SCARA5: variants seen among roughly 807,000 people sequenced by gnomAD.
SCARA5 encodes scavenger receptor class A member 5.
In SCARA5, 45 loss-of-function variants were observed where a neutral mutation model predicts 46.3. The ratio of observed to expected loss-of-function variants is 0.97; its 90% CI spans 0.76 to 1.24. The LOEUF (loss-of-function observed/expected upper bound fraction) is 1.24. Ranked by LOEUF, SCARA5 falls within the 50% of genes most tolerant of loss-of-function variation. The pLI, the probability that SCARA5 is intolerant of heterozygous loss-of-function variation, is 0.00. For missense variants in SCARA5, 680 were observed against 689.0 expected, an observed-to-expected ratio of 0.99 and a Z score of 0.15; for synonymous variants, 333 against 306.5, an observed-to-expected ratio of 1.09 and a Z score of -0.90.
intron 3 of SCARA5, among the ~76,000 whole-genome samples, chr8:27,964,018 C>T (rs1270684530): frequency 6.6e-6 from 1 of 152,218 alleles, no homozygotes; most frequent in African/African-American, 2.4e-5. Flanking sequence ...GGACACCCAA[C>T]AGAAGGCCAG....
At chr8:27,956,126 A>G (rs190039468) in intron 3 of SCARA5, among the ~76,000 whole-genome samples, 6 of 152,320 alleles carry the variant, frequency 3.9e-5, no homozygotes, top group African/African-American at 9.6e-5. Context: ...GATGGCAGTC[A>G]CTAGAAAGAC....
At position 27,871,817 on chromosome 8, in the gene SCARA5, AGAATGCTG is replaced by A; in HGVS notation, c.*109_*116del. The A allele has an allele frequency of 1.9e-6, 3 of 1,558,694 alleles. No individual in the cohort carries two copies. The highest frequency in any genetic ancestry group is 2.6e-6 in the Non-Finnish European group (3 of 1,153,486). On this transcript the variant is annotated 3_prime_UTR_variant, in exon 9 of 9. Transcript: ENST00000354914. ...TCCTGGGATGCAGGTGTGAGGACTGAGAATGCTGGACGGGGTGTGGTCGAGGCATGGTC... is the reference window on the plus strand; with the variant it reads ...TCCTGGGATGCAGGTGTGAGGACTGAGACGGGGTGTGGTCGAGGCATGGTC...
intron 2 of SCARA5, among the ~76,000 whole-genome samples, chr8:27,977,721 G>A (rs915361410): frequency 1.3e-5 from 2 of 152,132 alleles, no homozygotes; most frequent in African/African-American, 2.4e-5. Flanking sequence ...CTCCCCTCCC[G>A]GGATCCCTAT....
At position 27,992,407 on chromosome 8, in the gene SCARA5, G is replaced by A. The variant is rs1232178588; in HGVS notation, c.-166C>T. 1 of 152,370 alleles carries A rather than the reference G, an allele frequency of 6.6e-6. No individual in the cohort carries two copies. Among genetic ancestry groups the A allele is most frequent in the Non-Finnish European group, 1.5e-5 (1 of 68,148 alleles). 9.4% of individuals were successfully genotyped at this position (152,370 alleles called of 1,614,324 possible). A position where few individuals can be genotyped will look rare whatever the true frequency, so the allele number is the denominator to read the frequency against. On this transcript the variant is annotated 5_prime_UTR_variant, in exon 1 of 9. Transcript: ENST00000354914. ...CCAGCCAAATCCAGATGGAGTCATA[G>A]AAAGGGGCTGCAGGGGCGCCCAGGG...
In SCARA5 at chr8:27,892,726, C is replaced by T. The variant is rs543077724; in HGVS notation, c.1153+12052G>A. On this transcript the variant is annotated intron_variant, in intron 7 of 8. Coordinates refer to ENST00000354914, the MANE Select transcript of SCARA5 (RefSeq NM_173833.6). ...GGGGTTCACGCTATTCTGCCTCAGC[C>T]TCCCGAGTAGCTGGGACCACAGGCG... Among the ~76,000 whole-genome samples, 4 of 152,000 alleles carry T rather than the reference C, an allele frequency of 2.6e-5. No homozygotes were observed. The South Asian group carries it at 8.3e-4, about 32-fold the overall frequency.
chr8:27,949,675 G>A (rs553981581), intron 3 of SCARA5, among the ~76,000 whole-genome samples: 3 of 152,286 alleles, frequency 2.0e-5, no homozygotes, highest in Non-Finnish European at 2.9e-5. Flanking sequence ...CACCCCAACC[G>A]CATCCCATCA....
chr8:27,921,640 C>T lies in SCARA5; in HGVS notation c.847G>A (p.Val283Ile). ...TCCTTGAGGCGCAGGTCCTCGGTGA[C>T]CGCGTTGAGCATGGCCAGCTCCTGC... ...LKQELAMLNA[V>I]TEDLRLKDWE... Residue 283 changes from valine (V) to isoleucine (I), a missense_variant, in exon 4 of 9, where the codon GTC (valine) becomes ATC (isoleucine). Around this residue, in one of 3 missense-constraint regions of SCARA5, gnomAD observed 438 missense variants for 384.5 expected, o/e 1.14. Coordinates refer to ENST00000354914, the MANE Select transcript of SCARA5 (RefSeq NM_173833.6). 1 of 1,604,826 alleles carries T rather than the reference C, an allele frequency of 6.2e-7. No homozygotes were observed.
intron 4 of SCARA5, among the ~76,000 whole-genome samples, chr8:27,916,784 C>T (rs571012875): frequency 6.6e-6 from 1 of 152,144 alleles, no homozygotes; most frequent in Non-Finnish European, 1.5e-5. Context: ...GAGCTGGAGG[C>T]CCAAGCACTG....
At chr8:27,899,155 T>G (rs1807111132) in intron 7 of SCARA5, among the ~76,000 whole-genome samples, 1 of 152,224 alleles carries the variant, frequency 6.6e-6, no homozygotes, top group African/African-American at 2.4e-5. Context: ...GAAGCTTGGA[T>G]TTGAGATTTC....
chr8:27,930,199 C>T (rs552616820), intron 3 of SCARA5, among the ~76,000 whole-genome samples: 44 of 152,218 alleles, frequency 2.9e-4, no homozygotes, highest in Non-Finnish European at 4.1e-4. Flanking sequence ...GGGAGGCACA[C>T]GGTGCAAGGT....
chr8:27,920,396 T>C (rs934222655), intron 4 of SCARA5, among the ~76,000 whole-genome samples: 9 of 152,076 alleles, frequency 5.9e-5, no homozygotes, highest in African/African-American at 2.2e-4. Context: ...GAGGATCACC[T>C]GAGGTCAGGA....
intron 3 of SCARA5, among the ~76,000 whole-genome samples, chr8:27,933,505 G>C (rs1280511086): frequency 7.9e-6 from 1 of 126,386 alleles, no homozygotes; most frequent in Admixed American, 9.0e-5. Flanking sequence ...CTGGGTGACA[G>C]AGTGAGACTC....
chr8:27,910,592 T>C (rs1807357564), intron 4 of SCARA5, among the ~76,000 whole-genome samples: 4 of 151,984 alleles, frequency 2.6e-5, no homozygotes, highest in Admixed American at 2.6e-4. Context: ...CAGGCTGCAG[T>C]GTGGAAACTG....
intron 1 of SCARA5, among the ~76,000 whole-genome samples, chr8:27,990,450 T>G (rs111274354): frequency 6.6e-6 from 1 of 152,084 alleles, no homozygotes; most frequent in Non-Finnish European, 1.5e-5. Flanking sequence ...TGATGGCAAG[T>G]GCTCCTCCCA....
rs150015733 is a variant in SCARA5, at chr8:27,879,286, C to A, written c.1351+283G>T. ...CTAGCCAGGGAGAGAGAGACCACAG[C>A]AGCTGTGCCTGGGACACAGGACTGG... On this transcript the variant is annotated intron_variant, in intron 8 of 8. Coordinates refer to ENST00000354914, the MANE Select transcript of SCARA5 (RefSeq NM_173833.6). Among the ~76,000 whole-genome samples the A allele has an allele frequency of 1.5e-3, 235 of 152,260 alleles. 1 individual carries two copies. The highest frequency in any genetic ancestry group is 5.4e-3 in the African/African-American group (226 of 41,548).
At chr8:27,991,815 C>T (rs1186698829) in intron 1 of SCARA5, among the ~76,000 whole-genome samples, 1 of 151,994 alleles carries the variant, frequency 6.6e-6, no homozygotes, top group Non-Finnish European at 1.5e-5. Flanking sequence ...ACATATATCC[C>T]ACCACTGGCA....
chr8:27,909,530 G>A, intron 5 of SCARA5, 133 bp downstream of exon 5: 1 of 617,378 alleles, frequency 1.6e-6, no homozygotes, highest in Non-Finnish European at 2.8e-6. Context: ...GTCTCTTGTT[G>A]GAACAGAGCG....
intron 3 of SCARA5, among the ~76,000 whole-genome samples, chr8:27,959,950 C>A (rs1808269301): frequency 6.6e-6 from 1 of 152,168 alleles, no homozygotes; most frequent in African/African-American, 2.4e-5. Context: ...TTACTGAGCC[C>A]TGCGCTGTCA....
At chr8:27,970,253 G>A (rs945011551) in intron 2 of SCARA5, among the ~76,000 whole-genome samples, 18 of 152,148 alleles carry the variant, frequency 1.2e-4, no homozygotes, top group Non-Finnish European at 2.1e-4. Flanking sequence ...TCAAGGCTTC[G>A]GATGATGGCA....
Sources: allele counts gnomAD v4.1 joint callset (sites outside exome capture counted in the v4.1 genomes callset), GRCh38; gene constraint gnomAD v4.1.1; regional missense constraint gnomAD v4.1.1; transcripts MANE v1.5; gene names NCBI Gene and HGNC (gene_info 2026-07-23, HGNC 2026-07-21).